MX1: variants seen among roughly 807,000 people sequenced by gnomAD.
MX1 encodes interferon-induced GTP-binding protein Mx1.
In MX1, 66 loss-of-function variants were observed where a neutral mutation model predicts 66.4. That is an observed-to-expected ratio of 0.99 (90% CI 0.82 to 1.22). The LOEUF (loss-of-function observed/expected upper bound fraction) is 1.22, where lower values mean the gene tolerates loss of function less well. Ranked by LOEUF, MX1 falls within the 50% of genes most tolerant of loss-of-function variation. MX1 has a pLI of 0.00. For synonymous variants in MX1, 311 were observed against 318.1 expected, an observed-to-expected ratio of 0.98 and a Z score of 0.24; for missense variants, 787 against 834.3, an observed-to-expected ratio of 0.94 and a Z score of 0.70.
At chr21:41,457,310 C>A (rs1036526737) in intron 16 of MX1, among the ~76,000 whole-genome samples, 1 of 152,150 alleles carries the variant, frequency 6.6e-6, no homozygotes, top group Admixed American at 6.5e-5. Context: ...TTAGACTATG[C>A]GTAAGTTTTC....
chr21:41,432,242 C>G, intron 5 of MX1, 67 bp downstream of exon 5: 1 of 1,424,608 alleles, frequency 7.0e-7, no homozygotes. Context: ...CTGCCCTTTT[C>G]TACAGCGGTG....
At position 41,443,312 on chromosome 21, in the gene MX1, G is replaced by A. The variant is rs2090570217; in HGVS notation, c.930-476G>A. Among the ~76,000 whole-genome samples, 4 of 152,276 alleles carry A rather than the reference G, an allele frequency of 2.6e-5. No individual in the cohort carries two copies. The South Asian group carries it at 8.3e-4, about 32-fold the overall frequency. On this transcript the variant is annotated intron_variant, in intron 10 of 16. Transcript: ENST00000398598. Reference sequence around the variant, plus strand: ...GAAGATACTTGACTTCCTTCCTCCAGGCAGCCCATGGTTTAAGTTTTTATC... The same window carrying A: ...GAAGATACTTGACTTCCTTCCTCCAAGCAGCCCATGGTTTAAGTTTTTATC...
At chr21:41,425,930 G>A (rs2090048820), upstream of MX1, 1 of 152,600 alleles carries the variant, frequency 6.6e-6, no homozygotes, top group African/African-American at 2.4e-5. Context: ...CGGGGGGAAG[G>A]ACATGCCTAG....
intron 6 of MX1, 123 bp downstream of exon 6, chr21:41,436,152 G>C (rs1196727578): frequency 8.5e-7 from 1 of 1,174,390 alleles, no homozygotes; most frequent in Non-Finnish European, 1.2e-6. Flanking sequence ...CCAAAATCAG[G>C]GTTTAGCTTC....
Position 41,449,805 on chromosome 21 carries a change from T to C in MX1, c.1432+510T>C, listed in dbSNP as rs463666. The C allele has an allele frequency of 7.1e-3, 1,088 of 152,422 alleles. 7 individuals are homozygous for C. The highest frequency in any genetic ancestry group is 0.057 in the Middle Eastern group (17 of 296). 9.4% of individuals were successfully genotyped at this position (152,422 alleles called of 1,614,324 possible). A position where few individuals can be genotyped will look rare whatever the true frequency, so the allele number is the denominator to read the frequency against. On this transcript the variant is annotated intron_variant, in intron 14 of 16. Coordinates refer to ENST00000398598, the MANE Select transcript of MX1 (RefSeq NM_002462.5). The stretch of plus-strand genomic sequence containing the variant: ...GAGATGTGGTCATCAACCAGGGAGC[T>C]CTTGGAACCTCACCGCGGAGAAGGT...
At position 41,440,936 on chromosome 21, in the gene MX1, T is replaced by C. The variant is rs2090488174; in HGVS notation, c.641T>C (p.Leu214Pro). The change falls in exon 9 of 17, where the codon CTG becomes CCG. Residue 214 changes from leucine to proline, a missense_variant. Coordinates refer to ENST00000398598, the MANE Select transcript of MX1 (RefSeq NM_002462.5). ...KYIQRQETISLVVVPSNVDIA... is the reference protein window; with the variant it reads ...KYIQRQETISPVVVPSNVDIA... ...ATCCAGAGGCAGGAGACAATCAGCCTGGTGGTGGTCCCCAGTAATGTGGAC... is the reference window on the plus strand; with the variant it reads ...ATCCAGAGGCAGGAGACAATCAGCCCGGTGGTGGTCCCCAGTAATGTGGAC... 6.2e-7 allele frequency: 1 copy of C among 1,614,082 alleles called. No homozygotes were observed. Among genetic ancestry groups the C allele is most frequent in the South Asian group, 1.1e-5 (1 of 91,088 alleles).
chr21:41,456,196 A>T (rs748057204), intron 16 of MX1, among the ~76,000 whole-genome samples: 3 of 152,262 alleles, frequency 2.0e-5, no homozygotes, highest in Non-Finnish European at 4.4e-5. Flanking sequence ...GTGAGCCAAG[A>T]TCACACCACT....
In MX1 at chr21:41,431,919, G is replaced by A. The variant is rs2090223987; in HGVS notation, c.-21-131G>A. On this transcript the variant is annotated intron_variant, in intron 4 of 16. Transcript: ENST00000398598. ...TGTCCCAGGCACTCTTCTACGCTCT[G>A]GGGACATCACCATGAACAACTAGTC... 4.5e-6 allele frequency: 3 copies of A among 662,738 alleles called. No homozygotes were observed. The East Asian group carries it at 8.3e-5, about 18-fold the overall frequency. 41.1% of individuals were successfully genotyped at this position (662,738 alleles called of 1,614,324 possible). A position where few individuals can be genotyped will look rare whatever the true frequency, so the allele number is the denominator to read the frequency against.
At chr21:41,458,304 C>G (rs2238720) in intron 16 of MX1, among the ~76,000 whole-genome samples, 35,522 of 152,162 alleles carry the variant, frequency 0.23, 5,245 homozygotes, top group East Asian at 0.42. Context: ...GGAAAAGCTG[C>G]TGGGAATATG....
Position 41,458,948 on chromosome 21 carries a change from C to T in MX1, c.*190C>T. 1 of 980,952 alleles carries T rather than the reference C, an allele frequency of 1.0e-6. No homozygotes were observed. The highest frequency in any genetic ancestry group is 1.6e-5 in the African/African-American group (1 of 60,984). The allele number at this position is 980,952 out of a possible 1,614,324, so 60.8% of individuals were successfully genotyped here. ...TTTCTAGCATGAAGACAGAGCCCCA[C>T]CCTCAGATGCACATGAGCTGGCGGG... On this transcript the variant is annotated 3_prime_UTR_variant, in exon 17 of 17. Transcript: ENST00000398598.
chr21:41,446,181 A>T (rs1382185825), intron 13 of MX1, 40 bp downstream of exon 13: 2 of 1,533,148 alleles, frequency 1.3e-6, no homozygotes, highest in Non-Finnish European at 1.8e-6. Context: ...GCTACAACCG[A>T]ATACCTGAGA....
upstream of MX1, chr21:41,422,654 A>C (rs2090005324): frequency 6.6e-6 from 1 of 152,222 alleles, no homozygotes; most frequent in Non-Finnish European, 1.5e-5. Context: ...GGTAGGAAAA[A>C]AAAAAGAGTA....
At chr21:41,424,873 G>A (rs138831771), upstream of MX1, among the ~76,000 whole-genome samples, 746 of 152,286 alleles carry the variant, frequency 4.9e-3, 3 homozygotes, top group South Asian at 9.1e-3. Flanking sequence ...GTTTGAGATG[G>A]GAAAAACAAG....
In MX1 at chr21:41,426,280, G is replaced by A; in HGVS notation, c.-309+17G>A. ...CAGGGACCGGTGAGTGTCGCTTCTG[G>A]GGGCAGCGCCCAGTAACCGCGCTAG... On this transcript the variant is annotated intron_variant, in intron 1 of 16. Coordinates refer to ENST00000398598, the MANE Select transcript of MX1 (RefSeq NM_002462.5). 1 of 152,878 alleles carries A rather than the reference G, an allele frequency of 6.5e-6. No individual in the cohort carries two copies. The highest frequency in any genetic ancestry group is 1.5e-5 in the Non-Finnish European group (1 of 68,488). 9.5% of individuals were successfully genotyped at this position (152,878 alleles called of 1,614,324 possible). A position where few individuals can be genotyped will look rare whatever the true frequency, so the allele number is the denominator to read the frequency against.
In MX1 at chr21:41,459,083, A is replaced by C. The variant is rs946700677; in HGVS notation, c.*325A>C. On this transcript the variant is annotated 3_prime_UTR_variant, in exon 17 of 17. Coordinates refer to ENST00000398598, the MANE Select transcript of MX1 (RefSeq NM_002462.5). Reference sequence around the variant, plus strand: ...TCCTAGAAACTGACACATGCTGAACATCACAGCTTATTTCCTCATTTTTAT... The same window carrying C: ...TCCTAGAAACTGACACATGCTGAACCTCACAGCTTATTTCCTCATTTTTAT... 1.6e-5 allele frequency: 7 copies of C among 438,832 alleles called. No individual in the cohort carries two copies. The highest frequency in any genetic ancestry group is 2.4e-5 in the Non-Finnish European group (6 of 245,916). The allele number at this position is 438,832 out of a possible 1,614,324, so 27.2% of individuals were successfully genotyped here. A position where few individuals can be genotyped will look rare whatever the true frequency, so the allele number is the denominator to read the frequency against.
intron 6 of MX1, 31 bp from the exon 7 acceptor site, chr21:41,436,984 G>A (rs768925279): frequency 1.2e-6 from 2 of 1,612,466 alleles, no homozygotes; most frequent in Admixed American, 1.7e-5. Context: ...TAAGAGCAAA[G>A]TGGAGCACTG....
At chr21:41,430,242 A>G (rs2090176255) in intron 3 of MX1, among the ~76,000 whole-genome samples, 1 of 152,012 alleles carries the variant, frequency 6.6e-6, no homozygotes, top group Non-Finnish European at 1.5e-5. Context: ...ACTGACAAAG[A>G]TCACATGGCT....
At chr21:41,440,748 C>A in intron 8 of MX1, 139 bp from the exon 9 acceptor site, 2 of 982,444 alleles carry the variant, frequency 2.0e-6, no homozygotes, top group Non-Finnish European at 3.2e-6. Context: ...TTTGTGGGTT[C>A]ATTTCTCCAA....
At chr21:41,432,386 G>A (rs943578711) in intron 5 of MX1, among the ~76,000 whole-genome samples, 4 of 152,228 alleles carry the variant, frequency 2.6e-5, no homozygotes, top group Non-Finnish European at 4.4e-5. Context: ...TGCTGCTGGG[G>A]TTGGGGACAC....
Sources: gnomAD v4.1 joint callset for allele counts (sites outside exome capture counted in the v4.1 genomes callset) on GRCh38, gnomAD v4.1.1 for gene constraint, MANE v1.5 for transcripts, NCBI Gene and HGNC (gene_info 2026-07-23, HGNC 2026-07-21) for gene names.